The following DNAI2 variants were observed in gnomAD, a reference collection of about 807,000 sequenced individuals.
DNAI2 encodes the protein dynein, axonemal, intermediate polypeptide 2.
Under a neutral mutation model 74.7 loss-of-function variants are expected in DNAI2, and 63 were observed. The ratio of observed to expected loss-of-function variants is 0.84; its 90% confidence interval spans 0.69 to 1.04. DNAI2 has a LOEUF of 1.04. Among genes scored for constraint, DNAI2 ranks in the 50% least tolerant of loss-of-function variants. DNAI2 has a pLI of 0.00. For synonymous variants in DNAI2, 289 were observed against 314.9 expected (o/e 0.92, Z 0.87); for missense variants, 688 against 803.2 (o/e 0.86, Z 1.73).
intron 6 of DNAI2, among the ~76,000 whole-genome samples, chr17:74,293,205 T>C (rs1436829947): frequency 6.6e-6 from 1 of 152,216 alleles, no homozygotes; most frequent in Non-Finnish European, 1.5e-5. Flanking sequence ...TATTTCCTTG[T>C]TGATCTTTCA....
At chr17:74,304,650 G>A (rs1161227836) in intron 8 of DNAI2, among the ~76,000 whole-genome samples, 1 of 152,212 alleles carries the variant, frequency 6.6e-6, no homozygotes, top group African/African-American at 2.4e-5. Flanking sequence ...TGTCAGACAA[G>A]CTCGTGCCCC....
At chr17:74,279,270 A>G (rs1466293630) in intron 1 of DNAI2, among the ~76,000 whole-genome samples, 1 of 152,214 alleles carries the variant, frequency 6.6e-6, no homozygotes, top group East Asian at 1.9e-4. Flanking sequence ...ATTTGATAGC[A>G]CAACAGGGTG....
intron 11 of DNAI2, 140 bp from the exon 12 acceptor site, chr17:74,311,863 C>A: frequency 1.2e-6 from 1 of 815,954 alleles, no homozygotes; most frequent in Non-Finnish European, 2.0e-6. Flanking sequence ...TGACACCAGC[C>A]CTGGGTACAG....
intron 1 of DNAI2, among the ~76,000 whole-genome samples, chr17:74,275,473 C>G (rs2143827496): frequency 6.6e-6 from 1 of 152,216 alleles, no homozygotes; most frequent in East Asian, 1.9e-4. Context: ...ACCTGTAATC[C>G]CAGTGCTTTG....
At chr17:74,297,211 G>A (rs913482956) in intron 6 of DNAI2, among the ~76,000 whole-genome samples, 16 of 148,004 alleles carry the variant, frequency 1.1e-4, no homozygotes, top group African/African-American at 2.3e-4. Flanking sequence ...TCAGCCTCCC[G>A]AGTAGCTGGG....
intron 6 of DNAI2, among the ~76,000 whole-genome samples, chr17:74,292,987 G>T (rs555679845): frequency 1.3e-5 from 2 of 151,978 alleles, no homozygotes; most frequent in Non-Finnish European, 2.9e-5. Flanking sequence ...CTGCCACCAC[G>T]CTGGGCTAAT....
In DNAI2 at chr17:74,301,136, G is replaced by C; in HGVS notation, c.955G>C (p.Gly319Arg). The part of the protein sequence containing the change: ...TKKEQLENAL[G>R]AISLEFESTL... ...GAAGGAACAGTTGGAAAATGCCTTG[G>C]GGGCCATCTCCCTGGAGTTCGAATC... Residue 319 changes from glycine (G) to arginine (R), a missense_variant, in exon 8 of 14, where the codon GGG becomes CGG. Gly to Arg is a moderately radical substitution (Grantham distance 125). Transcript: ENST00000311014. 4 of 1,614,012 alleles carry C rather than the reference G, an allele frequency of 2.5e-6. No homozygotes were observed. Among genetic ancestry groups the C allele is most frequent in the Non-Finnish European group, 3.4e-6 (4 of 1,179,966 alleles).
chr17:74,293,084 C>T (rs1179938615), intron 6 of DNAI2, among the ~76,000 whole-genome samples: 1 of 151,286 alleles, frequency 6.6e-6, no homozygotes, highest in East Asian at 2.0e-4. Flanking sequence ...CCGCCCGCCT[C>T]GGCCTCCCAA....
rs915342549 is a variant in DNAI2, at chr17:74,300,248, A to C, written c.864+391A>C. Among the ~76,000 whole-genome samples the C allele has an allele frequency of 9.9e-5, 15 of 152,126 alleles. No individual in the cohort carries two copies. Among genetic ancestry groups the C allele is most frequent in the African/African-American group, 3.6e-4 (15 of 41,430 alleles). ...AGGCATGAGCCACTGCGCCCAGCCT[A>C]ACACTTTATTTTTAAGTTGAGTAGT... On this transcript the variant is annotated intron_variant, in intron 7 of 13. Coordinates refer to ENST00000311014, the MANE Select transcript of DNAI2 (RefSeq NM_023036.6). This position sits in a 1 kb window ranked among gnomAD's most constrained non-coding sequence, Gnocchi z 4.5.
chr17:74,313,987 G>A (rs1267977935), intron 12 of DNAI2, 134 bp from the exon 13 acceptor site: 28 of 1,451,870 alleles, frequency 1.9e-5, no homozygotes, highest in East Asian at 2.4e-5. Context: ...GCTGGCACCC[G>A]GGTTCCAGGG....
intron 5 of DNAI2, 70 bp from the exon 6 acceptor site, chr17:74,290,950 G>A (rs542985041): frequency 1.7e-5 from 23 of 1,358,208 alleles, no homozygotes; most frequent in Admixed American, 1.5e-4. Flanking sequence ...ACCCGCAGAA[G>A]GGGTGAAACT....
chr17:74,309,945 G>A, intron 10 of DNAI2, 72 bp from the exon 11 acceptor site: 1 of 1,601,980 alleles, frequency 6.2e-7, no homozygotes, highest in Non-Finnish European at 8.5e-7. Flanking sequence ...GCCTCCCCAG[G>A]GGCCAGTTAA....
At chr17:74,285,534 C>T (rs2051666363) in intron 3 of DNAI2, among the ~76,000 whole-genome samples, 1 of 151,974 alleles carries the variant, frequency 6.6e-6, no homozygotes, top group Non-Finnish European at 1.5e-5. Context: ...CAAGCCTCTG[C>T]CAGGCACAGT....
chr17:74,309,520 G>A (rs367818977), intron 10 of DNAI2, 132 bp downstream of exon 10: 53 of 1,291,180 alleles, frequency 4.1e-5, no homozygotes, highest in African/African-American at 3.6e-4. Context: ...TGGGGGAGCC[G>A]TGTGCAGGCT....
chr17:74,290,898 G>C, intron 5 of DNAI2, 122 bp from the exon 6 acceptor site: 1 of 852,106 alleles, frequency 1.2e-6, no homozygotes, highest in Non-Finnish European at 2.0e-6. Context: ...AGACTGGAGG[G>C]GCTTCCAGGC....
chr17:74,303,817 A>C (rs189082910), intron 8 of DNAI2, among the ~76,000 whole-genome samples: 1 of 152,010 alleles, frequency 6.6e-6, no homozygotes, highest in African/African-American at 2.4e-5. Flanking sequence ...TATGTTTTTT[A>C]AAAAAATAAA....
chr17:74,314,608 T>A lies in DNAI2; in HGVS notation c.*75T>A, dbSNP rs529323661. On this transcript the variant is annotated 3_prime_UTR_variant, in exon 14 of 14. Transcript: ENST00000311014. ...TTGCAGACCCTCAACCAGACTTGCATGGCCATGGCAGGGCCTCGGGAAGAC... is the reference window on the plus strand; with the variant it reads ...TTGCAGACCCTCAACCAGACTTGCAAGGCCATGGCAGGGCCTCGGGAAGAC... 41 of 254,572 alleles carry A rather than the reference T, an allele frequency of 1.6e-4. No individual in the cohort carries two copies. The South Asian group carries it at 1.8e-3, about 11-fold the overall frequency. The allele number at this position is 254,572 out of a possible 1,614,324, so 15.8% of individuals were successfully genotyped here. A position where few individuals can be genotyped will look rare whatever the true frequency, so the allele number is the denominator to read the frequency against.
chr17:74,284,327 GT>G (rs1290950214), intron 2 of DNAI2, among the ~76,000 whole-genome samples: 1 of 152,072 alleles, frequency 6.6e-6, no homozygotes, highest in East Asian at 1.9e-4. Flanking sequence ...GAGTTTTAAC[GT>G]TCAATTTTTG....
chr17:74,305,788 C>T (rs2053160254), intron 9 of DNAI2, among the ~76,000 whole-genome samples: 2 of 150,852 alleles, frequency 1.3e-5, no homozygotes, highest in South Asian at 4.2e-4. Context: ...TCTCCTGCCT[C>T]AGCCTCCTGA....
Sources: allele counts gnomAD v4.1 joint callset (sites outside exome capture counted in the v4.1 genomes callset), GRCh38; gene constraint gnomAD v4.1.1; non-coding constraint Gnocchi (gnomAD v3.1); transcripts MANE v1.5; gene names NCBI Gene and HGNC (gene_info 2026-07-23, HGNC 2026-07-21).